Variants in TMEM123 observed in about 807,000 individuals in gnomAD.
The protein encoded by TMEM123 is transmembrane protein 123, also known as porimin.
TMEM123 carries 16 observed loss-of-function variants against 19.7 expected under a neutral mutation model. The observed-to-expected ratio is 0.81, with a 90% CI of 0.55 to 1.23. The LOEUF (loss-of-function observed/expected upper bound fraction) is 1.23, where lower values mean the gene tolerates loss of function less well. Ranked by LOEUF, TMEM123 falls within the 50% of genes most tolerant of loss-of-function variation. TMEM123 has a pLI of 0.00. For missense variants in TMEM123, 313 were observed against 257.8 expected, an observed-to-expected ratio of 1.21 and a Z score of -1.47; for synonymous variants, 118 against 99.4, an observed-to-expected ratio of 1.19 and a Z score of -1.12.
chr11:102,407,440 G>A (rs1458573127), intron 2 of TMEM123, among the ~76,000 whole-genome samples: 1 of 152,200 alleles, frequency 6.6e-6, no homozygotes, highest in East Asian at 1.9e-4. Context: ...AGTTGTCCAT[G>A]CTCAGTGTTA....
At chr11:102,446,764 T>TA (rs1300813436) in intron 2 of TMEM123, among the ~76,000 whole-genome samples, 10 of 152,212 alleles carry the variant, frequency 6.6e-5, no homozygotes, top group African/African-American at 9.7e-5. Flanking sequence ...ATAAAAGTGA[T>TA]AGACACCCAA....
intron 2 of TMEM123, among the ~76,000 whole-genome samples, chr11:102,447,011 A>G (rs936278854): frequency 6.6e-6 from 1 of 152,244 alleles, no homozygotes; most frequent in Non-Finnish European, 1.5e-5. Context: ...TCCATCCTAT[A>G]AAAATACACA....
intron 1 of TMEM123, among the ~76,000 whole-genome samples, chr11:102,451,748 C>T (rs1263276865): frequency 6.6e-6 from 1 of 152,258 alleles, no homozygotes; most frequent in East Asian, 1.9e-4. Flanking sequence ...GGGCCTAAAA[C>T]GAAACAAATT....
chr11:102,402,347 C>G, intron 2 of TMEM123, 141 bp from the exon 3 acceptor site: 1 of 803,080 alleles, frequency 1.2e-6, no homozygotes, highest in Non-Finnish European at 1.9e-6. Flanking sequence ...CCCATTAATA[C>G]TTTGCACTAT....
At chr11:102,423,481 C>T (rs183602790) in intron 2 of TMEM123, among the ~76,000 whole-genome samples, 9 of 152,288 alleles carry the variant, frequency 5.9e-5, no homozygotes, top group Admixed American at 4.6e-4. Context: ...ATATAGAGAA[C>T]TGAGGCTGTC....
At chr11:102,449,758 T>C (rs1033335943) in intron 1 of TMEM123, among the ~76,000 whole-genome samples, 11 of 152,206 alleles carry the variant, frequency 7.2e-5, no homozygotes, top group Admixed American at 2.0e-4. Context: ...TAGCAAACAA[T>C]TGCCAACATT....
chr11:102,451,934 C>G (rs940915012), intron 1 of TMEM123, among the ~76,000 whole-genome samples: 2 of 152,226 alleles, frequency 1.3e-5, no homozygotes, highest in African/African-American at 4.8e-5. Flanking sequence ...GGGCGGCCGC[C>G]TCAACTACCG....
At chr11:102,411,994 C>T (rs575929600) in intron 2 of TMEM123, among the ~76,000 whole-genome samples, 52 of 152,300 alleles carry the variant, frequency 3.4e-4, no homozygotes, top group African/African-American at 1.2e-3. Flanking sequence ...TACCACCTAT[C>T]CCCTAGCAGG....
At chr11:102,444,968 A>G (rs1262863235) in intron 2 of TMEM123, among the ~76,000 whole-genome samples, 2 of 151,736 alleles carry the variant, frequency 1.3e-5, no homozygotes, top group Non-Finnish European at 2.9e-5. Flanking sequence ...GAACTGAACA[A>G]AGAGAACACT....
chr11:102,400,461 CTG>C (rs1227292376), intron 4 of TMEM123, among the ~76,000 whole-genome samples: 2 of 152,180 alleles, frequency 1.3e-5, no homozygotes, highest in East Asian at 3.8e-4. Flanking sequence ...GATATAGGAA[CTG>C]TGTGTGTGGG....
chr11:102,430,401 G>A (rs1420742791), intron 2 of TMEM123, among the ~76,000 whole-genome samples: 1 of 152,236 alleles, frequency 6.6e-6, no homozygotes, highest in Non-Finnish European at 1.5e-5. Flanking sequence ...GAGGCAGAGT[G>A]AGATGAAGCA....
chr11:102,411,068 AC>A (rs557155377), intron 2 of TMEM123, among the ~76,000 whole-genome samples: 3 of 150,932 alleles, frequency 2.0e-5, no homozygotes, highest in African/African-American at 7.3e-5. Context: ...ATTCATGAGG[AC>A]CCCCCCTTTT....
intron 2 of TMEM123, among the ~76,000 whole-genome samples, chr11:102,430,615 T>C (rs1306724269): frequency 2.0e-5 from 3 of 152,170 alleles, no homozygotes; most frequent in Non-Finnish European, 1.5e-5. Context: ...AAAGGTCTCA[T>C]GGCAGAGAGG....
At chr11:102,429,562 A>G (rs1555056570) in intron 2 of TMEM123, among the ~76,000 whole-genome samples, 1 of 152,208 alleles carries the variant, frequency 6.6e-6, no homozygotes, top group Non-Finnish European at 1.5e-5. Context: ...TTTCCTTACA[A>G]TTAACAAACA....
At chr11:102,427,826 A>AG (rs1453043158) in intron 2 of TMEM123, among the ~76,000 whole-genome samples, 1 of 151,300 alleles carries the variant, frequency 6.6e-6, no homozygotes, top group Non-Finnish European at 1.5e-5. Flanking sequence ...CAACAGAGCA[A>AG]GACTCTGTTT....
chr11:102,413,917 C>T (rs1952024638), intron 2 of TMEM123, among the ~76,000 whole-genome samples: 1 of 152,148 alleles, frequency 6.6e-6, no homozygotes, highest in Admixed American at 6.5e-5. Context: ...CAACAAAGAT[C>T]AAGATTCAGG....
intron 2 of TMEM123, among the ~76,000 whole-genome samples, chr11:102,419,400 G>A (rs1204584285): frequency 6.6e-6 from 1 of 152,094 alleles, no homozygotes; most frequent in African/African-American, 2.4e-5. Context: ...TTAATCCAAT[G>A]GTGTGAGGCA....
chr11:102,400,686 G>C (rs1460779438), intron 4 of TMEM123, among the ~76,000 whole-genome samples: 1 of 152,222 alleles, frequency 6.6e-6, no homozygotes, highest in Non-Finnish European at 1.5e-5. Context: ...GAACCCTCGT[G>C]AACAGAATTA....
chr11:102,421,062 C>A (rs527369971), intron 2 of TMEM123, among the ~76,000 whole-genome samples: 22 of 151,932 alleles, frequency 1.4e-4, no homozygotes, highest in Non-Finnish European at 3.1e-4. Context: ...AAAACAACAA[C>A]AAAAAAACTA....
Sources: allele counts gnomAD v4.1 joint callset (sites outside exome capture counted in the v4.1 genomes callset), GRCh38; gene constraint gnomAD v4.1.1; transcripts MANE v1.5; gene names NCBI Gene and HGNC (gene_info 2026-07-23, HGNC 2026-07-21).